AREG: variants seen among roughly 807,000 people sequenced by gnomAD.
AREG encodes the protein amphiregulin, also known as amphiregulin B.
Under a neutral mutation model 28.0 loss-of-function variants are expected in AREG, and 16 were observed. The observed-to-expected ratio is 0.57, with a 90% confidence interval of 0.39 to 0.87. AREG has a LOEUF of 0.87. Ranked by LOEUF, AREG falls within the 40% of genes least tolerant of loss-of-function variation. The pLI is 0.00. For missense variants in AREG, 287 were observed against 309.1 expected (o/e 0.93, Z 0.53); for synonymous variants, 113 against 113.5 (o/e 1.00, Z 0.02).
rs1201932094 is a variant in AREG, at chr4:74,446,557, CT to C, written c.86del (p.Leu29ProfsTer38). 11 of 1,613,834 alleles carry C rather than the reference CT, an allele frequency of 6.8e-6. No homozygotes were observed. The Admixed American group carries it at 1.3e-4, about 20-fold the overall frequency. ...GSGHYAAGLD[L>X]NDTYSGKREP... ...AGGCCATTATGCTGCTGGATTGGACCTCAATGACACCTACTCTGGGAAGCGT... is the reference window on the plus strand; with the variant it reads ...AGGCCATTATGCTGCTGGATTGGACCCAATGACACCTACTCTGGGAAGCGT... On this transcript the variant is annotated frameshift_variant, in exon 2 of 6. Transcript: ENST00000395748. LOFTEE classifies it high-confidence loss of function.
At position 74,445,149 on chromosome 4, in the gene AREG, C is replaced by T. The variant is rs940643764; in HGVS notation, c.-197C>T. The stretch of plus-strand genomic sequence containing the variant: ...GCGCCGCCCTACAGACGTTCGCACA[C>T]CTGGGTGCCAGCGCCCCAGAGGTCC... On this transcript the variant is annotated 5_prime_UTR_variant, in exon 1 of 6. Transcript: ENST00000395748. The T allele has an allele frequency of 7.9e-7, 1 of 1,261,084 alleles. No homozygotes were observed. Among genetic ancestry groups the T allele is most frequent in the African/African-American group, 1.5e-5 (1 of 65,088 alleles). The allele number at this position is 1,261,084 out of a possible 1,614,324, so 78.1% of individuals were successfully genotyped here.
intron 1 of AREG, among the ~76,000 whole-genome samples, chr4:74,445,778 C>CT (rs1283236764): frequency 6.6e-6 from 1 of 152,164 alleles, no homozygotes; most frequent in Non-Finnish European, 1.5e-5. Flanking sequence ...TTCTCCATCT[C>CT]TGTCTAGTGA....
chr4:74,446,249 TA>T (rs1719283920), intron 1 of AREG, among the ~76,000 whole-genome samples: 1 of 152,240 alleles, frequency 6.6e-6, no homozygotes, highest in African/African-American at 2.4e-5. Flanking sequence ...GTAATTGTAT[TA>T]GATTAATTTG....
At chr4:74,446,014 A>G (rs1024029631) in intron 1 of AREG, among the ~76,000 whole-genome samples, 2 of 152,258 alleles carry the variant, frequency 1.3e-5, no homozygotes, top group African/African-American at 4.8e-5. Flanking sequence ...TGTTTATATT[A>G]TTTTAAAAGA....
intron 4 of AREG, 71 bp downstream of exon 4, chr4:74,450,603 A>G: frequency 6.4e-7 from 1 of 1,570,106 alleles, no homozygotes; most frequent in Non-Finnish European, 8.7e-7. Context: ...TTTCTCTCAT[A>G]CTCTACTCTG....
rs1025209943 is a variant in AREG at position 74,454,745 on chromosome 4, T to C, written c.*19-14T>C. On this transcript the variant is annotated splice_polypyrimidine_tract_variant and intron_variant, in intron 5 of 5. Coordinates refer to ENST00000395748, the MANE Select transcript of AREG (RefSeq NM_001657.4). ...TTTTATTTTATTATTTTATTTTATT[T>C]TATTTTCTCACAGGATATCACATTG... 2.8e-5 allele frequency: 19 copies of C among 673,490 alleles called. No homozygotes were observed. Among genetic ancestry groups the C allele is most frequent in the Admixed American group, 2.5e-4 (12 of 47,276 alleles). The allele number at this position is 673,490 out of a possible 1,614,324, so 41.7% of individuals were successfully genotyped here.
Position 74,445,556 on chromosome 4 carries a change from G to T in AREG, c.61+150G>T, listed in dbSNP as rs1031337376. 156 of 1,449,838 alleles carry T rather than the reference G, an allele frequency of 1.1e-4. 1 individual carries two copies. In the African/African-American group the frequency reaches 2.1e-3, roughly 20 times the overall value. The allele number at this position is 1,449,838 out of a possible 1,614,324, so 89.8% of individuals were successfully genotyped here. The stretch of plus-strand genomic sequence containing the variant: ...ATCACTGTAGCTCCCTCCCTAGGAG[G>T]AAAAGAGAAGGGCAGATGTCTCAAA... On this transcript the variant is annotated intron_variant, in intron 1 of 5. Coordinates refer to ENST00000395748, the MANE Select transcript of AREG (RefSeq NM_001657.4).
At chr4:74,452,305 T>G (rs1345605267) in intron 4 of AREG, among the ~76,000 whole-genome samples, 1 of 152,196 alleles carries the variant, frequency 6.6e-6, no homozygotes, top group Non-Finnish European at 1.5e-5. Context: ...TTCTCAGAAT[T>G]GGTATATCAA....
At chr4:74,448,938 C>T in intron 2 of AREG, 109 bp from the exon 3 acceptor site, 1 of 1,458,040 alleles carries the variant, frequency 6.9e-7, no homozygotes, top group Non-Finnish European at 9.4e-7. Context: ...ATGAGGCACG[C>T]ATGGCTGTTA....
intron 3 of AREG, 41 bp downstream of exon 3, chr4:74,449,289 A>G: frequency 6.2e-7 from 1 of 1,612,876 alleles, no homozygotes; most frequent in Non-Finnish European, 8.5e-7. Flanking sequence ...TATTTCTAGC[A>G]CCATGTCTGA....
intron 3 of AREG, 123 bp downstream of exon 3, chr4:74,449,371 C>T (rs1340681842): frequency 2.0e-6 from 3 of 1,512,830 alleles, no homozygotes; most frequent in Admixed American, 2.2e-5. Context: ...TTTGTTAAAG[C>T]ACCAGATAGT....
In AREG at chr4:74,445,281, C is replaced by T; in HGVS notation, c.-65C>T. ...CTCTTCCAACACCCGCTCGTTTTGG[C>T]GGCAGCTCGTGTCCCAGAGACCGAG... On this transcript the variant is annotated 5_prime_UTR_variant, in exon 1 of 6. Coordinates refer to ENST00000395748, the MANE Select transcript of AREG (RefSeq NM_001657.4). The T allele has an allele frequency of 1.3e-6, 2 of 1,578,222 alleles. No individual in the cohort carries two copies. Among genetic ancestry groups the T allele is most frequent in the Non-Finnish European group, 1.7e-6 (2 of 1,163,940 alleles).
chr4:74,445,325 C>T lies in AREG; in HGVS notation c.-21C>T, dbSNP rs1310854772. ...GACCGAGTTGCCCCAGAGACCGAGA[C>T]GCCGCCGCTGCGAAGGACCAATGAG... On this transcript the variant is annotated 5_prime_UTR_variant, in exon 1 of 6. It adds an upstream start codon to the 5' untranslated region. Transcript: ENST00000395748. 2 of 1,607,098 alleles carry T rather than the reference C, an allele frequency of 1.2e-6. No homozygotes were observed. The highest frequency in any genetic ancestry group is 1.7e-6 in the Non-Finnish European group (2 of 1,178,306).
intron 1 of AREG, among the ~76,000 whole-genome samples, chr4:74,445,827 G>A (rs1719272955): frequency 6.6e-6 from 1 of 152,184 alleles, no homozygotes; most frequent in African/African-American, 2.4e-5. Flanking sequence ...AGAGTATCCC[G>A]GCGAGAGGTT....
Position 74,445,418 on chromosome 4 carries a change from C to T in AREG, c.61+12C>T. ...GATACTCGGCTCAGGTGAGGATTCA[C>T]CGGCGCTGAACTGCTGGGCTCTCCT... is the stretch of plus-strand genomic sequence containing the variant. On this transcript the variant is annotated intron_variant, in intron 1 of 5. Coordinates refer to ENST00000395748, the MANE Select transcript of AREG (RefSeq NM_001657.4). 2 of 1,606,354 alleles carry T rather than the reference C, an allele frequency of 1.2e-6. No homozygotes were observed. Among genetic ancestry groups the T allele is most frequent in the African/African-American group, 1.3e-5 (1 of 74,948 alleles).
chr4:74,451,699 A>G (rs1719384968), intron 4 of AREG, among the ~76,000 whole-genome samples: 1 of 152,226 alleles, frequency 6.6e-6, no homozygotes, highest in Non-Finnish European at 1.5e-5. Context: ...TAAAGGATAG[A>G]ACAAAACAAT....
chr4:74,449,924 C>A (rs1719354229), intron 3 of AREG, among the ~76,000 whole-genome samples: 1 of 151,590 alleles, frequency 6.6e-6, no homozygotes, highest in Non-Finnish European at 1.5e-5. Flanking sequence ...CTCTCTCTCT[C>A]TCTCTCTCTT....
At chr4:74,448,564 A>G (rs1283113359) in intron 2 of AREG, 1 of 156,738 alleles carries the variant, frequency 6.4e-6, no homozygotes, top group Non-Finnish European at 1.4e-5. Context: ...TGCTATCTTT[A>G]GTATGTGGGT....
intron 3 of AREG, among the ~76,000 whole-genome samples, 168 bp downstream of exon 3, chr4:74,449,416 A>G (rs911983245): frequency 1.3e-5 from 2 of 152,206 alleles, no homozygotes; most frequent in Non-Finnish European, 2.9e-5. Flanking sequence ...AGATTGTTAC[A>G]TGTACTTAAA....
Sources: gnomAD v4.1 joint callset for allele counts (sites outside exome capture counted in the v4.1 genomes callset) on GRCh38, gnomAD v4.1.1 for gene constraint, MANE v1.5 for transcripts, NCBI Gene and HGNC (gene_info 2026-07-23, HGNC 2026-07-21) for gene names.